ALDH1A2: variants seen among roughly 807,000 people sequenced by gnomAD.
The protein encoded by ALDH1A2 is retinal dehydrogenase 2.
A neutral mutation model predicts 60.3 loss-of-function variants in ALDH1A2; 27 were observed. The observed-to-expected ratio is 0.45, with a 90% confidence interval of 0.33 to 0.62. The LOEUF is 0.62. ALDH1A2 is among the 20% of genes least tolerant of loss of function. The probability of loss-of-function intolerance (pLI) is 0.02; values close to 1 mark genes in which losing one functional copy is unlikely to be tolerated. For missense variants in ALDH1A2, 581 were observed against 643.8 expected, an observed-to-expected ratio of 0.90 and a Z score of 1.06; for synonymous variants, 289 against 232.4, an observed-to-expected ratio of 1.24 and a Z score of -2.21.
chr15:58,031,592 A>G (rs1266366871), intron 1 of ALDH1A2, among the ~76,000 whole-genome samples: 9 of 152,216 alleles, frequency 5.9e-5, no homozygotes, highest in African/African-American at 2.2e-4. Context: ...ACAGAATGGG[A>G]GAAAATTTTT....
intron 12 of ALDH1A2, among the ~76,000 whole-genome samples, chr15:57,959,393 C>G (rs553587354): frequency 6.6e-6 from 1 of 152,284 alleles, no homozygotes; most frequent in South Asian, 2.1e-4. Flanking sequence ...TGAAGGAATA[C>G]TAAGAACTGA....
chr15:57,965,751 G>T lies in ALDH1A2; in HGVS notation c.875C>A (p.Pro292His). 6.2e-7 allele frequency: 1 copy of T among 1,613,918 alleles called. No homozygotes were observed. The highest frequency in any genetic ancestry group is 8.5e-7 in the Non-Finnish European group (1 of 1,179,812). The change falls in exon 8 of 13, where the codon CCT (proline) becomes CAT (histidine). Residue 292 changes from proline (P) to histidine (H), a missense_variant. Physicochemically the swap from Pro to His is moderately conservative, Grantham distance 77. This residue lies in a region of ALDH1A2 where 375 missense variants were observed against 469.7 expected (regional missense o/e 0.80). Coordinates refer to ENST00000249750, the MANE Select transcript of ALDH1A2 (RefSeq NM_003888.4). ...RVTLELGGKS[P>H]NIIFADADLD... ...GTCAGCATCAGCAAAAATAATATTAGGACTTTTGCCTCCAAGTTCCAGAGT... is the reference window on the plus strand; with the variant it reads ...GTCAGCATCAGCAAAAATAATATTATGACTTTTGCCTCCAAGTTCCAGAGT...
intron 1 of ALDH1A2, among the ~76,000 whole-genome samples, chr15:58,062,127 C>T (rs1897054373): frequency 6.6e-6 from 1 of 152,032 alleles, no homozygotes; most frequent in Non-Finnish European, 1.5e-5. Context: ...AGTTGATTGC[C>T]TTTTTGCCTC....
chr15:57,984,480 G>A (rs1207852725), intron 7 of ALDH1A2, among the ~76,000 whole-genome samples: 1 of 152,050 alleles, frequency 6.6e-6, no homozygotes, highest in African/African-American at 2.4e-5. Context: ...TTCTATCTGA[G>A]GACATAAATA....
intron 1 of ALDH1A2, among the ~76,000 whole-genome samples, chr15:58,064,346 T>G (rs1289180102): frequency 6.6e-6 from 1 of 152,236 alleles, no homozygotes; most frequent in Non-Finnish European, 1.5e-5. Context: ...TAAATCCATC[T>G]AAATCGACAT....
chr15:58,057,862 A>G (rs1302097338), intron 1 of ALDH1A2: 1 of 313,140 alleles, frequency 3.2e-6, no homozygotes, highest in Non-Finnish European at 5.5e-6. Context: ...AAATGAATAC[A>G]TAAATTCAGG....
intron 1 of ALDH1A2, among the ~76,000 whole-genome samples, chr15:58,061,331 T>C (rs944160873): frequency 3.3e-5 from 5 of 151,876 alleles, no homozygotes; most frequent in Non-Finnish European, 5.9e-5. Flanking sequence ...TGACAATTTA[T>C]GACCAAAACA....
At chr15:58,034,099 T>C (rs1226390909) in intron 1 of ALDH1A2, among the ~76,000 whole-genome samples, 1 of 151,740 alleles carries the variant, frequency 6.6e-6, no homozygotes, top group Non-Finnish European at 1.5e-5. Context: ...TCTTAATAAT[T>C]GAGGCTTCCT....
At chr15:58,006,336 A>C (rs1895456697) in intron 4 of ALDH1A2, among the ~76,000 whole-genome samples, 1 of 152,022 alleles carries the variant, frequency 6.6e-6, no homozygotes, top group Non-Finnish European at 1.5e-5. Flanking sequence ...TGTTGCAAAG[A>C]CCATTATTTC....
intron 4 of ALDH1A2, among the ~76,000 whole-genome samples, chr15:57,995,600 G>T (rs1453558539): frequency 6.6e-6 from 1 of 152,184 alleles, no homozygotes; most frequent in Non-Finnish European, 1.5e-5. Flanking sequence ...ACTGGAAAAA[G>T]TGAGGAGTAA....
chr15:57,996,482 T>A (rs1176490115), intron 4 of ALDH1A2, among the ~76,000 whole-genome samples: 1 of 151,536 alleles, frequency 6.6e-6, no homozygotes, highest in Non-Finnish European at 1.5e-5. Flanking sequence ...TTATTCAGTC[T>A]TTTATATTTT....
At chr15:57,985,010 GATTTT>G (rs1311904648) in intron 7 of ALDH1A2, among the ~76,000 whole-genome samples, 1 of 151,984 alleles carries the variant, frequency 6.6e-6, no homozygotes, top group South Asian at 2.1e-4. Flanking sequence ...TATATTTCTG[GATTTT>G]GTTTGCTACT....
At chr15:57,964,292 A>G (rs1596067226) in intron 8 of ALDH1A2, 2 of 560,488 alleles carry the variant, frequency 3.6e-6, no homozygotes, top group Non-Finnish European at 6.4e-6. Flanking sequence ...TATTCTGCAA[A>G]CAGAGGTACT....
intron 1 of ALDH1A2, 55 bp downstream of exon 1, chr15:58,065,479 C>T (rs2140597688): frequency 6.9e-7 from 1 of 1,449,742 alleles, no homozygotes; most frequent in African/African-American, 1.4e-5. Flanking sequence ...ATCGGGGAAA[C>T]CGAAGAAGGT....
In ALDH1A2 at chr15:58,013,946, G is replaced by A; in HGVS notation, c.275C>T (p.Ser92Leu). The change falls in exon 3 of 13, where the codon TCA becomes TTA. Residue 92 changes from serine (S) to leucine (L), a missense_variant. Transcript: ENST00000249750. ...TGAAGCATCCATCCTTCTCCACACT[G>A]AACCAAGAGAGAAAGCCAGGCGGGC... ...QAARLAFSLG[S>L]VWRRMDASER... 1 of 1,613,984 alleles carries A rather than the reference G, an allele frequency of 6.2e-7. No individual in the cohort carries two copies. Among genetic ancestry groups the A allele is most frequent in the Non-Finnish European group, 8.5e-7 (1 of 1,179,970 alleles).
intron 7 of ALDH1A2, 40 bp downstream of exon 7, chr15:57,992,665 G>C (rs1450574611): frequency 1.9e-6 from 3 of 1,577,630 alleles, no homozygotes; most frequent in African/African-American, 1.3e-5. Context: ...CAACTCATTT[G>C]CAAGACTGTT....
chr15:57,957,630 G>A (rs1452633046), intron 12 of ALDH1A2, among the ~76,000 whole-genome samples: 4 of 152,128 alleles, frequency 2.6e-5, no homozygotes, highest in Admixed American at 6.5e-5. Flanking sequence ...ACATCAGGAC[G>A]AAACAGCAAG....
intron 1 of ALDH1A2, among the ~76,000 whole-genome samples, chr15:58,060,081 C>A (rs1010877833): frequency 1.3e-5 from 2 of 152,056 alleles, no homozygotes; most frequent in Admixed American, 1.3e-4. Flanking sequence ...TACCACCACA[C>A]AGCTAATTTC....
At chr15:58,002,743 A>G (rs540574785) in intron 4 of ALDH1A2, among the ~76,000 whole-genome samples, 1 of 152,074 alleles carries the variant, frequency 6.6e-6, no homozygotes, top group East Asian at 1.9e-4. Flanking sequence ...AACACAATTC[A>G]GTGAATGAAG....
Sources: allele counts gnomAD v4.1 joint callset (sites outside exome capture counted in the v4.1 genomes callset), GRCh38; gene constraint gnomAD v4.1.1; regional missense constraint gnomAD v4.1.1; transcripts MANE v1.5; gene names NCBI Gene and HGNC (gene_info 2026-07-23, HGNC 2026-07-21).